Variants in HSD17B7 observed in about 807,000 individuals in gnomAD.
HSD17B7 encodes the protein 3-keto-steroid reductase/17-beta-hydroxysteroid dehydrogenase 7.
Under a neutral mutation model 34.1 loss-of-function variants are expected in HSD17B7, and 17 were observed. That is an observed-to-expected ratio of 0.50 (90% CI 0.34 to 0.75). The LOEUF is 0.75. HSD17B7 is among the 30% of genes least tolerant of loss of function. The pLI is 0.01. For synonymous variants in HSD17B7, 122 were observed against 154.6 expected (o/e 0.79, Z 1.56); for missense variants, 296 against 406.6 (o/e 0.73, Z 2.34).
intron 8 of HSD17B7, among the ~76,000 whole-genome samples, chr1:162,809,612 G>A (rs1213290143): frequency 2.0e-5 from 3 of 151,994 alleles, no homozygotes; most frequent in Non-Finnish European, 1.5e-5. Context: ...TTTTTTGGTT[G>A]GTAGGCTATT....
intron 8 of HSD17B7, among the ~76,000 whole-genome samples, chr1:162,807,608 T>A (rs2102237047): frequency 6.6e-6 from 1 of 152,308 alleles, no homozygotes; most frequent in East Asian, 1.9e-4. Flanking sequence ...AAAGTGTTCC[T>A]ATTTCTCCAC....
In HSD17B7 at chr1:162,807,756, C is replaced by G. The variant is rs536862278; in HGVS notation, c.903+2264C>G. Reference sequence around the variant, plus strand: ...TGAGCATTTTTTCATGTGTCTTTTGCTTGCATAAATGTCTTCTTTTGAGAA... The same window carrying G: ...TGAGCATTTTTTCATGTGTCTTTTGGTTGCATAAATGTCTTCTTTTGAGAA... On this transcript the variant is annotated intron_variant, in intron 8 of 8. Coordinates refer to ENST00000254521, the MANE Select transcript of HSD17B7 (RefSeq NM_016371.4). 3.0e-4 allele frequency among the ~76,000 whole-genome samples: 45 copies of G among 152,130 alleles called. No individual in the cohort carries two copies. The South Asian group carries it at 9.4e-3, about 32-fold the overall frequency.
In HSD17B7 at chr1:162,796,632, A is replaced by G; in HGVS notation, c.287A>G (p.Asn96Ser). 1 of 1,612,708 alleles carries G rather than the reference A, an allele frequency of 6.2e-7. No individual in the cohort carries two copies. The highest frequency in any genetic ancestry group is 1.1e-5 in the South Asian group (1 of 91,038). Reference sequence around the variant, plus strand: ...TATCTAAATGCTGGGATCATGCCTAATCCACAACTAAATATCAAAGCACTT... The same window carrying G: ...TATCTAAATGCTGGGATCATGCCTAGTCCACAACTAAATATCAAAGCACTT... The part of the protein sequence containing the change: ...CIYLNAGIMP[N>S]PQLNIKALFF... The change falls in exon 3 of 9, where the codon AAT (asparagine) becomes AGT (serine). Residue 96 changes from asparagine to serine, a missense_variant. Physicochemically the swap from Asn to Ser is conservative, Grantham distance 46. Coordinates refer to ENST00000254521, the MANE Select transcript of HSD17B7 (RefSeq NM_016371.4).
intron 1 of HSD17B7, among the ~76,000 whole-genome samples, chr1:162,792,188 G>C (rs1042158403): frequency 3.7e-4 from 56 of 152,098 alleles, no homozygotes; most frequent in African/African-American, 1.4e-3. Flanking sequence ...GAGATTTCTG[G>C]TGCTCCTTAT....
In HSD17B7 at chr1:162,803,527, A is replaced by G. The variant is rs927413092; in HGVS notation, c.739A>G (p.Ile247Val). The change falls in exon 6 of 9, where the codon ATA becomes GTA. Residue 247 changes from isoleucine (I) to valine (V), a missense_variant. Coordinates refer to ENST00000254521, the MANE Select transcript of HSD17B7 (RefSeq NM_016371.4). ...PFIWTLLMPA[I>V]LLLRFFANAF... ...TATATGGACGCTGTTGATGCCGGCA[A>G]TATTGCTAGTAAGTGATGAATATAC... 9.3e-6 allele frequency: 15 copies of G among 1,612,288 alleles called. No individual in the cohort carries two copies. The African/African-American group carries it at 1.6e-4, about 17-fold the overall frequency.
At chr1:162,796,547 C>G (rs1648616945) in intron 2 of HSD17B7, 38 bp from the exon 3 acceptor site, 3 of 1,287,658 alleles carry the variant, frequency 2.3e-6, no homozygotes, top group Admixed American at 3.4e-5. Flanking sequence ...GATGTTTTTA[C>G]TTGCAACTCA....
chr1:162,794,572 G>C (rs1342128995), intron 2 of HSD17B7, among the ~76,000 whole-genome samples: 1 of 152,136 alleles, frequency 6.6e-6, no homozygotes, highest in Non-Finnish European at 1.5e-5. Flanking sequence ...CTCCAGGGCT[G>C]TGAAACTGTA....
At chr1:162,803,599 T>G in intron 6 of HSD17B7, 64 bp downstream of exon 6, 1 of 1,553,846 alleles carries the variant, frequency 6.4e-7, no homozygotes, top group Non-Finnish European at 8.8e-7. Context: ...CTAGAAGATA[T>G]GTTTAAGGGT....
At chr1:162,811,685 C>T (rs1159406300) in intron 8 of HSD17B7, among the ~76,000 whole-genome samples, 1 of 152,248 alleles carries the variant, frequency 6.6e-6, no homozygotes, top group African/African-American at 2.4e-5. Flanking sequence ...AAGTTCCTTG[C>T]AATCACCACC....
In HSD17B7 at chr1:162,805,533, G is replaced by A. The variant is rs375829643; in HGVS notation, c.903+41G>A. On this transcript the variant is annotated intron_variant, in intron 8 of 8. Coordinates refer to ENST00000254521, the MANE Select transcript of HSD17B7 (RefSeq NM_016371.4). Reference sequence around the variant, plus strand: ...TTGTTGCACTGATGTTTGCTGTTGGGTTGATGAATTAAGCCTGTGTTCCTG... The same window carrying A: ...TTGTTGCACTGATGTTTGCTGTTGGATTGATGAATTAAGCCTGTGTTCCTG... 3.0e-5 allele frequency: 48 copies of A among 1,602,582 alleles called. 1 individual carries two copies. The African/African-American group carries it at 3.9e-4, about 13-fold the overall frequency.
intron 2 of HSD17B7, among the ~76,000 whole-genome samples, chr1:162,795,025 C>T (rs924103687): frequency 5.3e-5 from 8 of 152,210 alleles, no homozygotes; most frequent in South Asian, 2.1e-4. Context: ...GTATTTAGTC[C>T]GCAAAACAGC....
At chr1:162,795,932 C>G (rs982786108) in intron 2 of HSD17B7, among the ~76,000 whole-genome samples, 1 of 152,110 alleles carries the variant, frequency 6.6e-6, no homozygotes, top group Non-Finnish European at 1.5e-5. Context: ...ATATCCCTTC[C>G]GTGACAAGTA....
chr1:162,811,241 GA>G (rs1351098982), intron 8 of HSD17B7, among the ~76,000 whole-genome samples: 1 of 152,152 alleles, frequency 6.6e-6, no homozygotes, highest in Non-Finnish European at 1.5e-5. Context: ...ATTCTGGATT[GA>G]AAATTCTTTT....
chr1:162,802,610 T>C lies in HSD17B7; in HGVS notation c.643-821T>C, dbSNP rs560852041. ...CTGTCTGTTAAACTGGCACTTCCTA[T>C]TTTTTTATTTAAAAGAAAAAATGAG... On this transcript the variant is annotated intron_variant, in intron 5 of 8. Transcript: ENST00000254521. Among the ~76,000 whole-genome samples the C allele has an allele frequency of 1.4e-4, 21 of 152,280 alleles. No individual in the cohort carries two copies. The South Asian group carries it at 2.7e-3, about 20-fold the overall frequency.
rs1780019 is a variant in HSD17B7, at chr1:162,796,686, C to T, written c.332+9C>T. The T allele has an allele frequency of 0.74, 1,163,069 of 1,563,984 alleles. 444,578 individuals are homozygous for T. Among genetic ancestry groups the T allele is most frequent in the Non-Finnish European group, 0.79 (895,615 of 1,134,866 alleles). On this transcript the variant is annotated intron_variant, in intron 3 of 8. Coordinates refer to ENST00000254521, the MANE Select transcript of HSD17B7 (RefSeq NM_016371.4). ...TTTGGCCTCTTTTCAAGGTAATTTT[C>T]GTTTTATGGATGAACTGATTGGAAG...
At chr1:162,806,925 A>G (rs555378844) in intron 8 of HSD17B7, among the ~76,000 whole-genome samples, 40 of 152,176 alleles carry the variant, frequency 2.6e-4, no homozygotes, top group Non-Finnish European at 3.8e-4. Flanking sequence ...CAGCTCCATT[A>G]TGGAAAAACT....
chr1:162,805,618 A>G (rs568393015), intron 8 of HSD17B7, 126 bp downstream of exon 8: 2 of 1,415,664 alleles, frequency 1.4e-6, no homozygotes, highest in South Asian at 1.5e-5. Flanking sequence ...CCAGCATCAC[A>G]CTGGCCTGAT....
intron 7 of HSD17B7, among the ~76,000 whole-genome samples, chr1:162,805,052 G>A (rs1255198950): frequency 6.6e-6 from 1 of 152,194 alleles, no homozygotes; most frequent in Non-Finnish European, 1.5e-5. Context: ...TTGGAAACCT[G>A]AGGACCTAGC....
At chr1:162,793,350 C>T (rs1648486479) in intron 2 of HSD17B7, among the ~76,000 whole-genome samples, 1 of 152,152 alleles carries the variant, frequency 6.6e-6, no homozygotes, top group African/African-American at 2.4e-5. Flanking sequence ...CATTTTCAGT[C>T]TCAATCATGA....
Sources: gnomAD v4.1 joint callset for allele counts (sites outside exome capture counted in the v4.1 genomes callset) on GRCh38, gnomAD v4.1.1 for gene constraint, MANE v1.5 for transcripts, NCBI Gene and HGNC (gene_info 2026-07-23, HGNC 2026-07-21) for gene names.